NTM: variants seen among roughly 807,000 people sequenced by gnomAD.
NTM encodes neurotrimin, also known as IgLON family member 2.
NTM carries 13 observed loss-of-function variants against 42.1 expected under a neutral mutation model. The observed-to-expected ratio is 0.31, with a 90% CI of 0.20 to 0.49. NTM has a LOEUF of 0.49. Among genes scored for constraint, NTM ranks in the 20% least tolerant of loss-of-function variants. The pLI, the probability that NTM is intolerant of heterozygous loss-of-function variation, is 0.99. For synonymous variants in NTM, 187 were observed against 179.2 expected (o/e 1.04, Z -0.35); for missense variants, 373 against 452.8 (o/e 0.82, Z 1.60).
chr11:131,678,006 C>G (rs1258350491), intron 1 of NTM, among the ~76,000 whole-genome samples: 1 of 152,188 alleles, frequency 6.6e-6, no homozygotes, highest in Non-Finnish European at 1.5e-5. Context: ...CTAATAGGCT[C>G]CAGAGTCACC....
At chr11:131,747,420 A>G (rs2081956940) in intron 1 of NTM, among the ~76,000 whole-genome samples, 2 of 152,082 alleles carry the variant, frequency 1.3e-5, no homozygotes, top group African/African-American at 4.8e-5. Flanking sequence ...TCTTTCTCCC[A>G]TCAGCCTTTT....
chr11:131,512,852 C>T (rs1485333481), intron 1 of NTM, among the ~76,000 whole-genome samples: 1 of 152,078 alleles, frequency 6.6e-6, no homozygotes, highest in African/African-American at 2.4e-5. Context: ...AGCCCCATGC[C>T]CCCCACCCTC....
At chr11:132,105,351 G>T (rs1320555452) in intron 2 of NTM, among the ~76,000 whole-genome samples, 1 of 151,998 alleles carries the variant, frequency 6.6e-6, no homozygotes, top group Admixed American at 6.6e-5. Context: ...AAATATGTCT[G>T]CTTATTAATA....
At chr11:131,878,606 T>A (rs1416067169) in intron 1 of NTM, among the ~76,000 whole-genome samples, 690 of 7,972 alleles carry the variant, frequency 0.087, 167 homozygotes, top group East Asian at 0.38. Context: ...TATATATATA[T>A]ATATATATAT....
At chr11:131,527,571 G>A (rs1336959370) in intron 1 of NTM, among the ~76,000 whole-genome samples, 3 of 152,164 alleles carry the variant, frequency 2.0e-5, no homozygotes, top group Non-Finnish European at 4.4e-5. Context: ...AGAGAAGGAG[G>A]AAAAAGCCTC....
chr11:132,315,105 C>A, intron 7 of NTM: 4 of 993,450 alleles, frequency 4.0e-6, no homozygotes, highest in Non-Finnish European at 4.8e-6. Flanking sequence ...GTGATGATGG[C>A]TCCTAAGCTG....
At chr11:131,911,322 G>A in intron 1 of NTM, 1 of 1,466,074 alleles carries the variant, frequency 6.8e-7, no homozygotes, top group Non-Finnish European at 9.0e-7. Flanking sequence ...TATTAGACTC[G>A]GAGGAGTCTG....
intron 1 of NTM, among the ~76,000 whole-genome samples, chr11:131,845,339 G>A (rs969057): frequency 0.73 from 110,379 of 151,876 alleles, 40,271 homozygotes; most frequent in Admixed American, 0.76. Flanking sequence ...GGGAGCTTGT[G>A]TTTGTATTCT....
intron 4 of NTM, among the ~76,000 whole-genome samples, chr11:132,299,725 T>A (rs2094770502): frequency 6.6e-6 from 1 of 152,212 alleles, no homozygotes; most frequent in Non-Finnish European, 1.5e-5. Flanking sequence ...ATCAACTGTG[T>A]GAGGTCTGTC....
At chr11:131,861,853 A>G (rs1164865678) in intron 1 of NTM, among the ~76,000 whole-genome samples, 1 of 152,160 alleles carries the variant, frequency 6.6e-6, no homozygotes, top group Non-Finnish European at 1.5e-5. Flanking sequence ...ACTAGTGAAC[A>G]CTAGGTAGGC....
chr11:131,945,839 A>C (rs1386737009), intron 2 of NTM, among the ~76,000 whole-genome samples: 1 of 152,224 alleles, frequency 6.6e-6, no homozygotes, highest in Non-Finnish European at 1.5e-5. Flanking sequence ...TTCAGGAGAC[A>C]CAAGTATTAA....
At chr11:131,979,873 C>A (rs1565873780) in intron 2 of NTM, among the ~76,000 whole-genome samples, 2 of 152,112 alleles carry the variant, frequency 1.3e-5, no homozygotes, top group Non-Finnish European at 2.9e-5. Context: ...ATGATAATAG[C>A]CCTTTGTGAA....
intron 1 of NTM, among the ~76,000 whole-genome samples, chr11:131,869,737 C>T (rs918645809): frequency 6.6e-6 from 1 of 152,138 alleles, no homozygotes; most frequent in Non-Finnish European, 1.5e-5. Context: ...ATGCTTTCTT[C>T]CTTGTCCCTT....
intron 1 of NTM, among the ~76,000 whole-genome samples, chr11:131,724,728 C>G (rs2078756076): frequency 6.6e-6 from 1 of 152,174 alleles, no homozygotes; most frequent in Admixed American, 6.6e-5. Flanking sequence ...GGCAGAAGGG[C>G]ACTCATAAAT....
intron 1 of NTM, among the ~76,000 whole-genome samples, chr11:131,570,904 G>A (rs926123074): frequency 1.3e-5 from 2 of 152,226 alleles, no homozygotes; most frequent in Non-Finnish European, 2.9e-5. Flanking sequence ...TGCAGACTCA[G>A]AAAGGAACAA....
intron 1 of NTM, among the ~76,000 whole-genome samples, chr11:131,655,060 G>A (rs1042815529): frequency 1.1e-4 from 16 of 152,102 alleles, no homozygotes; most frequent in Admixed American, 7.2e-4. Flanking sequence ...GCCGGTCCTC[G>A]GGCACGCTGT....
At chr11:131,715,587 A>C (rs1468557495) in intron 1 of NTM, among the ~76,000 whole-genome samples, 1 of 152,254 alleles carries the variant, frequency 6.6e-6, no homozygotes, top group Non-Finnish European at 1.5e-5. Flanking sequence ...GAACGTATCC[A>C]TCAATCCAAA....
chr11:132,225,812 T>C (rs573624601), intron 4 of NTM, among the ~76,000 whole-genome samples: 4 of 152,276 alleles, frequency 2.6e-5, no homozygotes, highest in African/African-American at 9.6e-5. Flanking sequence ...GCTGAACCCA[T>C]CAACCCATCA....
At chr11:132,177,682 T>C (rs953229354) in intron 3 of NTM, among the ~76,000 whole-genome samples, 2 of 152,180 alleles carry the variant, frequency 1.3e-5, no homozygotes, top group Admixed American at 1.3e-4. Context: ...CCACACCTGA[T>C]CACTGAACCA....
Sources: allele counts gnomAD v4.1 joint callset (sites outside exome capture counted in the v4.1 genomes callset), GRCh38; gene constraint gnomAD v4.1.1; transcripts MANE v1.5; gene names NCBI Gene and HGNC (gene_info 2026-07-23, HGNC 2026-07-21).